Variants in ITGA8 observed in about 807,000 individuals in gnomAD.
The protein encoded by ITGA8 is integrin alpha-8.
ITGA8 carries 91 observed loss-of-function variants against 142.3 expected under a neutral mutation model. The observed-to-expected ratio is 0.64, with a 90% CI of 0.54 to 0.76. The LOEUF is 0.76. ITGA8 is among the 30% of genes least tolerant of loss of function. The pLI is 0.00. For synonymous variants in ITGA8, 505 were observed against 485.2 expected (o/e 1.04, Z -0.54); for missense variants, 1,406 against 1,327.7 (o/e 1.06, Z -0.92).
intron 26 of ITGA8, among the ~76,000 whole-genome samples, chr10:15,551,136 C>T (rs914374812): frequency 1.8e-4 from 27 of 152,084 alleles, no homozygotes; most frequent in East Asian, 5.8e-4. Flanking sequence ...TATGCGAGGA[C>T]GGGCGTGGCT....
At chr10:15,585,660 A>G (rs1832815287) in intron 23 of ITGA8, among the ~76,000 whole-genome samples, 1 of 152,208 alleles carries the variant, frequency 6.6e-6, no homozygotes, top group Non-Finnish European at 1.5e-5. Flanking sequence ...AAAAAAATCA[A>G]TGAAGTCCAA....
rs753987973 is a variant in ITGA8 at position 15,718,891 on chromosome 10, A to T, written c.218T>A (p.Val73Asp). 1 of 1,613,934 alleles carries T rather than the reference A, an allele frequency of 6.2e-7. No homozygotes were observed. ...FHIPDARTASVLVGAPKANTS... is the reference protein window; with the variant it reads ...FHIPDARTASDLVGAPKANTS... Reference sequence around the variant, plus strand: ...GTTGGCTTTGGGCGCCCCCACCAAGACACTCGCTCTGCAAAAGAGTTGGAG... The same window carrying T: ...GTTGGCTTTGGGCGCCCCCACCAAGTCACTCGCTCTGCAAAAGAGTTGGAG... Residue 73 changes from valine (V) to aspartate (D), a missense_variant, in exon 2 of 30, where the codon GTC becomes GAC. Coordinates refer to ENST00000378076, the MANE Select transcript of ITGA8 (RefSeq NM_003638.3).
At chr10:15,570,610 C>CAAAAAAAA (rs931457896) in intron 25 of ITGA8, among the ~76,000 whole-genome samples, 26 of 39,858 alleles carry the variant, frequency 6.5e-4, no homozygotes, top group South Asian at 1.0e-3. Flanking sequence ...AACTCCATCT[C>CAAAAAAAA]AAAAAAAAAA....
intron 25 of ITGA8, among the ~76,000 whole-genome samples, chr10:15,569,557 G>C (rs978011817): frequency 6.6e-6 from 1 of 152,092 alleles, no homozygotes; most frequent in Non-Finnish European, 1.5e-5. Flanking sequence ...CCCATCCTCT[G>C]TCTGCTTCTT....
chr10:15,576,367 C>T (rs1484560515), intron 23 of ITGA8, among the ~76,000 whole-genome samples: 1 of 152,068 alleles, frequency 6.6e-6, no homozygotes, highest in African/African-American at 2.4e-5. Flanking sequence ...TGACATATAA[C>T]ACATGGCATT....
intron 27 of ITGA8, among the ~76,000 whole-genome samples, chr10:15,547,325 A>G (rs57242928): frequency 0.055 from 8,409 of 152,240 alleles, 749 homozygotes; most frequent in African/African-American, 0.19. Context: ...TAATCCCAGC[A>G]CTTTGGGAGA....
intron 2 of ITGA8, among the ~76,000 whole-genome samples, chr10:15,707,917 G>C (rs1395821164): frequency 6.6e-6 from 1 of 151,102 alleles, no homozygotes; most frequent in Non-Finnish European, 1.5e-5. Context: ...AGTAGCAATG[G>C]AAAGCAAATG....
chr10:15,536,821 A>C (rs7896214), intron 27 of ITGA8, among the ~76,000 whole-genome samples: 30,025 of 152,090 alleles, frequency 0.2, 3,981 homozygotes, highest in African/African-American at 0.38. Context: ...TACCAATAAA[A>C]GTGAGTTGGT....
intron 22 of ITGA8, among the ~76,000 whole-genome samples, chr10:15,587,121 C>T (rs1832846065): frequency 6.6e-6 from 1 of 152,022 alleles, no homozygotes; most frequent in Non-Finnish European, 1.5e-5. Flanking sequence ...CGGGGTTTCA[C>T]CATGTTGGCC....
chr10:15,555,172 C>T (rs1303765128), intron 26 of ITGA8, among the ~76,000 whole-genome samples: 1 of 152,196 alleles, frequency 6.6e-6, no homozygotes, highest in African/African-American at 2.4e-5. Flanking sequence ...TTCAGCAGAT[C>T]TGGTGGCTAA....
chr10:15,621,356 T>G (rs951968433), intron 13 of ITGA8, among the ~76,000 whole-genome samples: 4 of 152,032 alleles, frequency 2.6e-5, no homozygotes, highest in Non-Finnish European at 5.9e-5. Flanking sequence ...AAGGGGACAT[T>G]GGCATGAATG....
chr10:15,580,302 A>G (rs890721997), intron 23 of ITGA8, among the ~76,000 whole-genome samples: 3 of 152,114 alleles, frequency 2.0e-5, no homozygotes, highest in African/African-American at 7.2e-5. Flanking sequence ...AATTCCTTTA[A>G]TGAGAAACTA....
At chr10:15,653,832 T>A (rs1339625313) in intron 11 of ITGA8, among the ~76,000 whole-genome samples, 1 of 2,204 alleles carries the variant, frequency 4.5e-4, no homozygotes, top group Non-Finnish European at 0.25. Context: ...TTCTTTTTTC[T>A]TTTTTTTTTT....
chr10:15,625,273 T>C (rs1833561075), intron 13 of ITGA8, among the ~76,000 whole-genome samples: 2 of 152,204 alleles, frequency 1.3e-5, no homozygotes, highest in Non-Finnish European at 2.9e-5. Flanking sequence ...GAATATCAAA[T>C]GATGAGTCTG....
At position 15,658,086 on chromosome 10, in the gene ITGA8, G is replaced by A. The variant is rs559745557; in HGVS notation, c.948+913C>T. On this transcript the variant is annotated intron_variant, in intron 10 of 29. Coordinates refer to ENST00000378076, the MANE Select transcript of ITGA8 (RefSeq NM_003638.3). ...TTAACATTTCTTGAGGAGTTGTTAT[G>A]TGCCAGGGAATCTTCTAAGTAATCT... Among the ~76,000 whole-genome samples, 12 of 152,320 alleles carry A rather than the reference G, an allele frequency of 7.9e-5. No individual in the cohort carries two copies. The East Asian group carries it at 1.2e-3, about 15-fold the overall frequency.
intron 28 of ITGA8, among the ~76,000 whole-genome samples, chr10:15,521,858 A>G (rs760925887): frequency 5.3e-5 from 8 of 152,210 alleles, no homozygotes; most frequent in Non-Finnish European, 1.2e-4. Flanking sequence ...ATGATCTAAG[A>G]CAAATATTAC....
At chr10:15,693,209 A>C (rs910155250) in intron 2 of ITGA8, among the ~76,000 whole-genome samples, 6 of 152,216 alleles carry the variant, frequency 3.9e-5, no homozygotes, top group African/African-American at 1.4e-4. Context: ...GAGTTTCAAA[A>C]GACATTTGTA....
chr10:15,576,559 G>A (rs947556739), intron 23 of ITGA8, among the ~76,000 whole-genome samples: 2 of 152,122 alleles, frequency 1.3e-5, no homozygotes, highest in Non-Finnish European at 2.9e-5. Context: ...GCAATCAGAT[G>A]TCATAGGGCC....
Position 15,558,107 on chromosome 10 carries a change from G to A in ITGA8, c.2733C>T (p.Val911=), listed in dbSNP as rs1833915463. The part of the protein sequence containing the change: ...HLVRKRDVHV[V]EFHRQSPAKI... ...TTGCAGGGCTCTGTCTGTGGAATTC[G>A]ACCACATGTACATCCCTCTTCCTGA... Residue 911 remains valine (V), a synonymous_variant, in exon 26 of 30, where the codon GTC becomes GTT. Transcript: ENST00000378076. 25 of 1,613,960 alleles carry A rather than the reference G, an allele frequency of 1.5e-5. No individual in the cohort carries two copies. The highest frequency in any genetic ancestry group is 2.0e-5 in the Non-Finnish European group (24 of 1,180,024).
Sources: gnomAD v4.1 joint callset for allele counts (sites outside exome capture counted in the v4.1 genomes callset) on GRCh38, gnomAD v4.1.1 for gene constraint, MANE v1.5 for transcripts, NCBI Gene and HGNC (gene_info 2026-07-23, HGNC 2026-07-21) for gene names.